TUNAR: variants seen among roughly 807,000 people sequenced by gnomAD.
The protein encoded by TUNAR is transmembrane neural differentiation associated intracellular calcium regulator.
At chr14:95,911,596 A>C (rs1395025967) in intron 2 of TUNAR, among the ~76,000 whole-genome samples, 2 of 152,218 alleles carry the variant, frequency 1.3e-5, no homozygotes, top group African/African-American at 4.8e-5. Context: ...CTAAATTTCC[A>C]GGCAGGAGCT....
At chr14:95,878,331 A>C (rs1888923133) in intron 2 of TUNAR, among the ~76,000 whole-genome samples, 1 of 152,234 alleles carries the variant, frequency 6.6e-6, no homozygotes, top group African/African-American at 2.4e-5. Flanking sequence ...CTGTTTGCTT[A>C]AGTGCATTTA....
intron 2 of TUNAR, among the ~76,000 whole-genome samples, chr14:95,919,861 C>G (rs1248480038): frequency 6.6e-6 from 1 of 152,136 alleles, no homozygotes; most frequent in Admixed American, 6.6e-5. Flanking sequence ...TTTATGGGTG[C>G]TCACTGTAAA....
chr14:95,892,428 C>T (rs551906422), intron 2 of TUNAR, among the ~76,000 whole-genome samples: 7 of 152,346 alleles, frequency 4.6e-5, no homozygotes, highest in Admixed American at 3.3e-4. Flanking sequence ...TTGTGTGTTC[C>T]GGGGAGCCGG....
At chr14:95,898,701 C>A (rs796960197) in intron 2 of TUNAR, among the ~76,000 whole-genome samples, 4 of 152,222 alleles carry the variant, frequency 2.6e-5, no homozygotes, top group African/African-American at 9.6e-5. Context: ...CTGATCATTT[C>A]TTTTCCTGGA....
chr14:95,916,540 G>T (rs1889609639), intron 2 of TUNAR, among the ~76,000 whole-genome samples: 3 of 152,214 alleles, frequency 2.0e-5, no homozygotes, highest in Admixed American at 2.0e-4. Flanking sequence ...GGCCATTGAT[G>T]CTGGGTCCAG....
intron 2 of TUNAR, among the ~76,000 whole-genome samples, chr14:95,886,923 G>A (rs773134668): frequency 6.6e-5 from 10 of 152,170 alleles, no homozygotes; most frequent in Non-Finnish European, 1.5e-4. Flanking sequence ...CCAGAGCCAG[G>A]GGGCTGGGCA....
At chr14:95,885,024 C>T (rs924007854) in intron 2 of TUNAR, among the ~76,000 whole-genome samples, 2 of 152,196 alleles carry the variant, frequency 1.3e-5, no homozygotes, top group African/African-American at 4.8e-5. Flanking sequence ...GTGAGATTAA[C>T]CTCCAAGGCG....
intron 2 of TUNAR, among the ~76,000 whole-genome samples, chr14:95,916,829 G>A (rs1277223869): frequency 6.6e-6 from 1 of 152,204 alleles, no homozygotes; most frequent in African/African-American, 2.4e-5. Flanking sequence ...TCTGATGGCT[G>A]TTTGATGGTA....
chr14:95,889,044 T>C (rs1013984598), intron 2 of TUNAR, among the ~76,000 whole-genome samples: 1 of 152,156 alleles, frequency 6.6e-6, no homozygotes, highest in African/African-American at 2.4e-5. Flanking sequence ...CCTTCAGATG[T>C]CCTTTCTGAA....
At chr14:95,883,549 A>G (rs1889016148) in intron 2 of TUNAR, among the ~76,000 whole-genome samples, 2 of 152,202 alleles carry the variant, frequency 1.3e-5, no homozygotes, top group Admixed American at 1.3e-4. Context: ...ATAGGCTGCT[A>G]CTGTTTCAGT....
chr14:95,893,936 T>C (rs886696865), intron 2 of TUNAR, among the ~76,000 whole-genome samples: 8 of 152,244 alleles, frequency 5.3e-5, no homozygotes, highest in African/African-American at 1.9e-4. Context: ...CTTGCAGAAA[T>C]GTACATGGTG....
At chr14:95,916,431 A>ATCCAT (rs1185666008) in intron 2 of TUNAR, among the ~76,000 whole-genome samples, 1 of 152,204 alleles carries the variant, frequency 6.6e-6, no homozygotes, top group African/African-American at 2.4e-5. Flanking sequence ...TTTGCAATTC[A>ATCCAT]TCCATGCGAT....
At chr14:95,890,768 A>G (rs1889166360) in intron 2 of TUNAR, among the ~76,000 whole-genome samples, 1 of 152,248 alleles carries the variant, frequency 6.6e-6, no homozygotes, top group African/African-American at 2.4e-5. Flanking sequence ...GAAAACAGGA[A>G]GACCTTAATA....
chr14:95,896,975 C>T (rs914888683), intron 2 of TUNAR, among the ~76,000 whole-genome samples: 18 of 152,170 alleles, frequency 1.2e-4, no homozygotes, highest in African/African-American at 4.3e-4. Context: ...TTCGGGCTTG[C>T]GTTGGAATTT....
chr14:95,891,418 C>T (rs1407410644), intron 2 of TUNAR, among the ~76,000 whole-genome samples: 1 of 152,224 alleles, frequency 6.6e-6, no homozygotes. Context: ...CCCTGCGATT[C>T]ATATAAGTTC....
At chr14:95,877,817 G>A (rs146313172) in intron 2 of TUNAR, among the ~76,000 whole-genome samples, 427 of 152,276 alleles carry the variant, frequency 2.8e-3, no homozygotes, top group African/African-American at 9.9e-3. Flanking sequence ...AGCACTTTTT[G>A]TCCATCCTGC....
At chr14:95,898,632 A>G (rs1341726758) in intron 2 of TUNAR, among the ~76,000 whole-genome samples, 1 of 151,640 alleles carries the variant, frequency 6.6e-6, no homozygotes, top group Non-Finnish European at 1.5e-5. Flanking sequence ...GCTTTTTTTT[A>G]ACTTTTAAAA....
At chr14:95,909,525 C>T (rs1889479782) in intron 2 of TUNAR, among the ~76,000 whole-genome samples, 1 of 152,128 alleles carries the variant, frequency 6.6e-6, no homozygotes, top group African/African-American at 2.4e-5. Context: ...CCTCGTGATC[C>T]ACCCGCCTCA....
intron 2 of TUNAR, among the ~76,000 whole-genome samples, chr14:95,913,531 A>G (rs776587845): frequency 2.0e-5 from 3 of 152,176 alleles, no homozygotes; most frequent in Non-Finnish European, 4.4e-5. Context: ...GCAATTTACT[A>G]TTGATCACTG....
Sources: allele counts gnomAD v4.1 joint callset (sites outside exome capture counted in the v4.1 genomes callset), GRCh38; gene constraint gnomAD v4.1.1; transcripts MANE v1.5; gene names NCBI Gene and HGNC (gene_info 2026-07-23, HGNC 2026-07-21).